Variants in ST18 observed in about 807,000 individuals in gnomAD.
ST18 encodes the protein ST18 C2H2C-type zinc finger transcription factor, also known as suppression of tumorigenicity 18 protein.
ST18 carries 50 observed loss-of-function variants against 110.0 expected under a neutral mutation model. That is an observed-to-expected ratio of 0.45 (90% CI 0.36 to 0.58). The LOEUF (loss-of-function observed/expected upper bound fraction) is 0.58. Ranked by LOEUF, ST18 falls within the 20% of genes least tolerant of loss-of-function variation. The probability of loss-of-function intolerance (pLI) is 0.00; values close to 1 mark genes in which losing one functional copy is unlikely to be tolerated. For missense variants in ST18, 1,306 were observed against 1,280.1 expected, an observed-to-expected ratio of 1.02 and a Z score of -0.31; for synonymous variants, 461 against 452.4, an observed-to-expected ratio of 1.02 and a Z score of -0.24.
intron 22 of ST18, among the ~76,000 whole-genome samples, chr8:52,131,023 C>T (rs2049358382): frequency 6.6e-6 from 1 of 152,214 alleles, no homozygotes; most frequent in Non-Finnish European, 1.5e-5. Context: ...AAATAAACCA[C>T]TGGAAAAAGT....
intron 2 of ST18, among the ~76,000 whole-genome samples, chr8:52,395,488 A>C (rs893199439): frequency 6.6e-6 from 1 of 152,212 alleles, no homozygotes; most frequent in African/African-American, 2.4e-5. Context: ...TATCTAGGTA[A>C]GAGCCCAGGA....
At chr8:52,275,033 A>G (rs2138989590) in intron 2 of ST18, among the ~76,000 whole-genome samples, 1 of 152,324 alleles carries the variant, frequency 6.6e-6, no homozygotes, top group Middle Eastern at 3.4e-3. Context: ...TGAGAATGTT[A>G]CTTATTCCTC....
intron 2 of ST18, among the ~76,000 whole-genome samples, chr8:52,309,644 A>C (rs991767200): frequency 3.3e-5 from 5 of 152,116 alleles, no homozygotes; most frequent in African/African-American, 9.7e-5. Flanking sequence ...TTAAACAATA[A>C]TATGAATAAA....
intron 2 of ST18, among the ~76,000 whole-genome samples, chr8:52,379,941 T>C (rs1833900859): frequency 6.6e-6 from 1 of 152,212 alleles, no homozygotes; most frequent in Non-Finnish European, 1.5e-5. Flanking sequence ...CATGTGACAT[T>C]CATCATCTCC....
intron 8 of ST18, among the ~76,000 whole-genome samples, chr8:52,199,925 G>A (rs2077396979): frequency 6.6e-6 from 1 of 152,196 alleles, no homozygotes. Context: ...CCCCCAGCCA[G>A]AAGGAGCTGC....
intron 2 of ST18, among the ~76,000 whole-genome samples, chr8:52,303,890 G>T (rs1589752051): frequency 6.6e-6 from 1 of 152,154 alleles, no homozygotes; most frequent in Admixed American, 6.5e-5. Context: ...GACTTGAATG[G>T]GGTCTCTGGA....
At chr8:52,293,225 G>A (rs1257718148) in intron 2 of ST18, among the ~76,000 whole-genome samples, 1 of 152,208 alleles carries the variant, frequency 6.6e-6, no homozygotes, top group South Asian at 2.1e-4. Context: ...GAGCAGAAAC[G>A]ATGCAGTGGA....
chr8:52,314,486 C>G (rs2095985683), intron 2 of ST18, among the ~76,000 whole-genome samples: 1 of 152,222 alleles, frequency 6.6e-6, no homozygotes, highest in Admixed American at 6.5e-5. Context: ...ATCAAAGGCA[C>G]TTGCCTTAAA....
intron 2 of ST18, among the ~76,000 whole-genome samples, chr8:52,241,269 T>A (rs574079469): frequency 1.3e-5 from 2 of 152,384 alleles, no homozygotes; most frequent in East Asian, 3.9e-4. Context: ...GTTTGTTGAA[T>A]GGATGGATTC....
chr8:52,279,615 A>G (rs1339158887), intron 2 of ST18, among the ~76,000 whole-genome samples: 2 of 152,178 alleles, frequency 1.3e-5, no homozygotes, highest in Non-Finnish European at 2.9e-5. Flanking sequence ...AATACTTAAT[A>G]AAGACACAAG....
intron 2 of ST18, among the ~76,000 whole-genome samples, chr8:52,280,421 C>T (rs933533387): frequency 2.0e-5 from 3 of 151,830 alleles, no homozygotes; most frequent in African/African-American, 7.3e-5. Context: ...TATACATGTA[C>T]ATATTACATA....
At chr8:52,116,669 A>G (rs976742071) in intron 24 of ST18, among the ~76,000 whole-genome samples, 2 of 152,184 alleles carry the variant, frequency 1.3e-5, no homozygotes, top group Non-Finnish European at 2.9e-5. Flanking sequence ...TGTATGATGG[A>G]TATCTCAAAC....
At chr8:52,208,387 A>T (rs2080885866) in intron 8 of ST18, among the ~76,000 whole-genome samples, 1 of 152,230 alleles carries the variant, frequency 6.6e-6, no homozygotes, top group Non-Finnish European at 1.5e-5. Flanking sequence ...AACCTGTGGA[A>T]AAAATTGGAA....
At chr8:52,307,017 G>A (rs1031067984) in intron 2 of ST18, among the ~76,000 whole-genome samples, 1 of 152,162 alleles carries the variant, frequency 6.6e-6, no homozygotes, top group African/African-American at 2.4e-5. Context: ...CTGAGGTTTT[G>A]TCTATAGAAT....
At chr8:52,328,191 A>C (rs1439244774) in intron 2 of ST18, among the ~76,000 whole-genome samples, 1 of 152,210 alleles carries the variant, frequency 6.6e-6, no homozygotes, top group African/African-American at 2.4e-5. Context: ...CAAATCCTGT[A>C]CTAATTAAGC....
At position 52,157,047 on chromosome 8, in the gene ST18, C is replaced by T. The variant is rs72641865; in HGVS notation, c.1806+1851G>A. 5.4e-3 allele frequency among the ~76,000 whole-genome samples: 827 copies of T among 152,260 alleles called. 4 individuals carry two copies. The highest frequency in any genetic ancestry group is 8.8e-3 in the Non-Finnish European group (600 of 68,020). On this transcript the variant is annotated intron_variant, in intron 15 of 25. Coordinates refer to ENST00000689386, the MANE Select transcript of ST18 (RefSeq NM_001352837.2). ...TCACCTGGGCATGCAGGATGAGCTC[C>T]GTGGAGCAGTCTGGCACAGAGTGCT...
Position 52,159,088 on chromosome 8 carries a change from A to T in ST18, c.1616T>A (p.Val539Glu). Residue 539 changes from valine to glutamate, a missense_variant, in exon 15 of 26, where the codon GTG becomes GAG. By Grantham distance (121) the Val-to-Glu change is moderately radical. Coordinates refer to ENST00000689386, the MANE Select transcript of ST18 (RefSeq NM_001352837.2). Reference sequence around the variant, plus strand: ...ACTAGGCAGTCGATTAGGAAATTTCACTGGATTTGGAAAATGCTTTGCTGT... The same window carrying T: ...ACTAGGCAGTCGATTAGGAAATTTCTCTGGATTTGGAAAATGCTTTGCTGT... ...FPESKHFPNP[V>E]KFPNRLPSAG... is the part of the protein sequence containing the mutation. 1.9e-6 allele frequency: 3 copies of T among 1,613,996 alleles called. No individual in the cohort carries two copies. The highest frequency in any genetic ancestry group is 2.5e-6 in the Non-Finnish European group (3 of 1,179,998).
Position 52,113,140 on chromosome 8 carries a change from A to T in ST18, c.*58T>A. ...CCTTAGCAGTACATGAACCTCTAAC[A>T]GATCCATCTGGAGTTTACTGCTGTT... On this transcript the variant is annotated 3_prime_UTR_variant, in exon 26 of 26. Transcript: ENST00000689386. The T allele has an allele frequency of 6.2e-7, 1 of 1,602,424 alleles. No individual in the cohort carries two copies.
chr8:52,322,142 A>G (rs1055214198), intron 2 of ST18, among the ~76,000 whole-genome samples: 1 of 152,190 alleles, frequency 6.6e-6, no homozygotes, highest in Non-Finnish European at 1.5e-5. Context: ...AAATTTTTGG[A>G]AAAATATTCT....
Sources: gnomAD v4.1 joint callset for allele counts (sites outside exome capture counted in the v4.1 genomes callset) on GRCh38, gnomAD v4.1.1 for gene constraint, MANE v1.5 for transcripts, NCBI Gene and HGNC (gene_info 2026-07-23, HGNC 2026-07-21) for gene names.